TSPAN3: variants seen among roughly 807,000 people sequenced by gnomAD.
TSPAN3 encodes the protein tetraspanin 3, also known as tetraspanin-3.
Under a neutral mutation model 31.1 loss-of-function variants are expected in TSPAN3, and 9 were observed. The ratio of observed to expected loss-of-function variants is 0.29; its 90% CI spans 0.17 to 0.50. The LOEUF (loss-of-function observed/expected upper bound fraction) is 0.50, where lower values mean the gene tolerates loss of function less well. Ranked by LOEUF, TSPAN3 falls within the 20% of genes least tolerant of loss-of-function variation. The pLI is 0.98. For synonymous variants in TSPAN3, 129 were observed against 114.3 expected (o/e 1.13, Z -0.82); for missense variants, 252 against 313.5 (o/e 0.80, Z 1.48).
intron 6 of TSPAN3, among the ~76,000 whole-genome samples, chr15:77,047,397 T>G (rs1568537795): frequency 6.6e-6 from 1 of 152,240 alleles, no homozygotes; most frequent in Non-Finnish European, 1.5e-5. Flanking sequence ...GGGAGTAGAA[T>G]GAGCAAGAAT....
intron 1 of TSPAN3, among the ~76,000 whole-genome samples, chr15:77,065,205 T>C (rs935131107): frequency 3.3e-5 from 5 of 152,188 alleles, no homozygotes; most frequent in African/African-American, 1.2e-4. Flanking sequence ...CATCACCCTT[T>C]AATTCTCTGC....
chr15:77,059,168 C>T (rs571777731), intron 1 of TSPAN3, among the ~76,000 whole-genome samples: 8 of 152,258 alleles, frequency 5.3e-5, no homozygotes, highest in Admixed American at 6.5e-5. Flanking sequence ...CTGCAGGCTC[C>T]GTCTCCCAGG....
chr15:77,070,867 C>T, intron 1 of TSPAN3, 25 bp downstream of exon 1: 1 of 1,313,742 alleles, frequency 7.6e-7, no homozygotes, highest in Middle Eastern at 2.6e-4. Flanking sequence ...GCCGCCGGCC[C>T]CTCGCTCTGC....
rs1229711502 is a variant in TSPAN3 at position 77,045,743 on chromosome 15, T to G, written c.*1092A>C. On this transcript the variant is annotated 3_prime_UTR_variant, in exon 7 of 7. Transcript: ENST00000267970. ...CAACCACTGCAGTGTGAAAATTATC[T>G]TCTCCTATGTATGTCTCCTATACTA... is the stretch of plus-strand genomic sequence containing the variant. 6.6e-6 allele frequency: 1 copy of G among 152,236 alleles called. No homozygotes were observed. Among genetic ancestry groups the G allele is most frequent in the Admixed American group, 6.5e-5 (1 of 15,268 alleles). 9.4% of individuals were successfully genotyped at this position (152,236 alleles called of 1,614,324 possible). A position where few individuals can be genotyped will look rare whatever the true frequency, so the allele number is the denominator to read the frequency against.
chr15:77,068,167 C>G (rs1423718409), intron 1 of TSPAN3: 1 of 152,202 alleles, frequency 6.6e-6, no homozygotes, highest in East Asian at 1.9e-4. Flanking sequence ...ATACCTAATG[C>G]TGTTTCCTCA....
At chr15:77,067,865 ATCT>A (rs2152698145) in intron 1 of TSPAN3, 1 of 152,292 alleles carries the variant, frequency 6.6e-6, no homozygotes, top group South Asian at 2.1e-4. Context: ...CTCTTTACAA[ATCT>A]TCTGAAATCA....
chr15:77,053,033 G>A (rs979313630), intron 4 of TSPAN3, 104 bp from the exon 5 acceptor site: 34 of 1,117,602 alleles, frequency 3.0e-5, no homozygotes, highest in South Asian at 9.9e-5. Flanking sequence ...AGTGATGTCC[G>A]ATACAACTTT....
chr15:77,059,942 C>T (rs957255300), intron 1 of TSPAN3, among the ~76,000 whole-genome samples: 4 of 152,168 alleles, frequency 2.6e-5, no homozygotes, highest in African/African-American at 9.7e-5. Context: ...CTGCCTCTCC[C>T]CCCTAAAAGA....
In TSPAN3 at chr15:77,052,415, G is replaced by C. The variant is rs1596159793; in HGVS notation, c.639C>G (p.Ile213Met). Residue 213 changes from isoleucine (I) to methionine (M), a missense_variant, in exon 6 of 7, where the codon ATC (isoleucine) becomes ATG (methionine). By Grantham distance (10) the Ile-to-Met change is conservative. Transcript: ENST00000267970. ...TAGCTGCAAATGCCAGTGCGGCCCA[G>C]ATCACATGCATCATGATTTCTTGTA... ...KKLQEIMMHV[I>M]WAALAFAAIQ... 2.5e-6 allele frequency: 4 copies of C among 1,614,106 alleles called. No individual in the cohort carries two copies. The highest frequency in any genetic ancestry group is 2.7e-5 in the African/African-American group (2 of 74,940).
chr15:77,062,967 A>T (rs2076808968), intron 1 of TSPAN3, among the ~76,000 whole-genome samples: 1 of 152,218 alleles, frequency 6.6e-6, no homozygotes, highest in South Asian at 2.1e-4. Context: ...ATTATGGGTG[A>T]TACCAGTTTG....
rs773923218 is a variant in TSPAN3, at chr15:77,046,946, A to G, written c.670-19T>C. The G allele has an allele frequency of 9.6e-6, 15 of 1,555,956 alleles. No individual in the cohort carries two copies. The highest frequency in any genetic ancestry group is 1.2e-5 in the Non-Finnish European group (14 of 1,146,966). On this transcript the variant is annotated intron_variant, in intron 6 of 6. Transcript: ENST00000267970. ...CCAGCAGCTGTTGAAAGAAAACAAC[A>G]ATGGGGAAAAAAGGCTGAAAACCCT...
Position 77,043,570 on chromosome 15 carries a change from AG to A in TSPAN3, c.*3264del, listed in dbSNP as rs1188396459. 2 of 152,238 alleles carry A rather than the reference AG, an allele frequency of 1.3e-5. No homozygotes were observed. The highest frequency in any genetic ancestry group is 4.8e-5 in the African/African-American group (2 of 41,452). The allele number at this position is 152,238 out of a possible 1,614,324, so 9.4% of individuals were successfully genotyped here. ...AAATCGCAGACAAACACAGATAAGCAGCACCACCTAAAACGAACTGTATCCT... is the reference window on the plus strand; with the variant it reads ...AAATCGCAGACAAACACAGATAAGCACACCACCTAAAACGAACTGTATCCT... On this transcript the variant is annotated 3_prime_UTR_variant, in exon 7 of 7. Transcript: ENST00000267970.
intron 1 of TSPAN3, among the ~76,000 whole-genome samples, chr15:77,060,949 A>C (rs1366477553): frequency 2.0e-5 from 3 of 152,140 alleles, no homozygotes; most frequent in Non-Finnish European, 4.4e-5. Flanking sequence ...TAATAAGCCT[A>C]TACTCTAAAT....
Position 77,071,051 on chromosome 15 carries a change from G to T in TSPAN3, c.-97C>A, listed in dbSNP as rs1202621612. The T allele has an allele frequency of 4.8e-6, 4 of 840,618 alleles. No homozygotes were observed. Among genetic ancestry groups the T allele is most frequent in the Admixed American group, 4.6e-5 (1 of 21,562 alleles). 52.1% of individuals were successfully genotyped at this position (840,618 alleles called of 1,614,324 possible). A position where few individuals can be genotyped will look rare whatever the true frequency, so the allele number is the denominator to read the frequency against. Reference sequence around the variant, plus strand: ...GGCGCCTCCTCGCTAGGAACTGCACGGCCTGCGCGGCGCTCCCCGCAGCCC... The same window carrying T: ...GGCGCCTCCTCGCTAGGAACTGCACTGCCTGCGCGGCGCTCCCCGCAGCCC... On this transcript the variant is annotated 5_prime_UTR_variant, in exon 1 of 7. Coordinates refer to ENST00000267970, the MANE Select transcript of TSPAN3 (RefSeq NM_005724.6).
chr15:77,061,190 G>A (rs955295589), intron 1 of TSPAN3, among the ~76,000 whole-genome samples: 1 of 152,026 alleles, frequency 6.6e-6, no homozygotes, highest in Admixed American at 6.5e-5. Flanking sequence ...AGTTTTTGGG[G>A]GGGTAATTTT....
At chr15:77,061,966 T>G (rs1042045995) in intron 1 of TSPAN3, among the ~76,000 whole-genome samples, 1 of 152,162 alleles carries the variant, frequency 6.6e-6, no homozygotes, top group Non-Finnish European at 1.5e-5. Flanking sequence ...TAGAAGTGAC[T>G]GGAGTGTTGA....
chr15:77,055,727 T>C (rs2076764506), intron 3 of TSPAN3, 62 bp downstream of exon 3: 2 of 1,300,184 alleles, frequency 1.5e-6, no homozygotes, highest in South Asian at 1.3e-5. Context: ...ATGTGTTCTA[T>C]TTTACTTGAA....
rs2076689759 is a variant in TSPAN3, at chr15:77,046,160, T to C, written c.*675A>G. 2.7e-6 allele frequency: 1 copy of C among 364,980 alleles called. No homozygotes were observed. The highest frequency in any genetic ancestry group is 2.1e-5 in the African/African-American group (1 of 47,954). The allele number at this position is 364,980 out of a possible 1,614,324, so 22.6% of individuals were successfully genotyped here. A position where few individuals can be genotyped will look rare whatever the true frequency, so the allele number is the denominator to read the frequency against. ...TTAAGACTTACCATGAATGGGCTCA[T>C]TCATACAAAAACACACTCACACTAA... On this transcript the variant is annotated 3_prime_UTR_variant, in exon 7 of 7. Transcript: ENST00000267970.
intron 1 of TSPAN3, among the ~76,000 whole-genome samples, 172 bp from the exon 2 acceptor site, chr15:77,056,427 T>C (rs374075547): frequency 5.3e-5 from 8 of 151,814 alleles, no homozygotes; most frequent in African/African-American, 1.9e-4. Context: ...TAGATAAAAT[T>C]AAAAAGTTAT....
Sources: gnomAD v4.1 joint callset for allele counts (sites outside exome capture counted in the v4.1 genomes callset) on GRCh38, gnomAD v4.1.1 for gene constraint, MANE v1.5 for transcripts, NCBI Gene and HGNC (gene_info 2026-07-23, HGNC 2026-07-21) for gene names.